Variants in FHOD3 observed in about 807,000 individuals in gnomAD.
The protein encoded by FHOD3 is formin homology 2 domain containing 3.
A neutral mutation model predicts 173.0 loss-of-function variants in FHOD3; 90 were observed. The observed-to-expected ratio is 0.52, with a 90% CI of 0.44 to 0.62. The LOEUF is 0.62. FHOD3 is among the 20% of genes least tolerant of loss of function. The probability of loss-of-function intolerance (pLI) is 0.00; values close to 1 mark genes in which losing one functional copy is unlikely to be tolerated. For missense variants in FHOD3, 1,945 were observed against 2,034.7 expected, an observed-to-expected ratio of 0.96 and a Z score of 0.85; for synonymous variants, 828 against 823.0, an observed-to-expected ratio of 1.01 and a Z score of -0.10.
chr18:36,744,336 A>G, intron 23 of FHOD3, 143 bp downstream of exon 23: 1 of 829,964 alleles, frequency 1.2e-6, no homozygotes, highest in South Asian at 1.9e-5. Flanking sequence ...TATGAATATG[A>G]TTTGTTTTGT....
chr18:36,655,053 C>CT (rs56831321), intron 13 of FHOD3, among the ~76,000 whole-genome samples: 2,005 of 125,034 alleles, frequency 0.016, 23 homozygotes, highest in Non-Finnish European at 0.019. Flanking sequence ...TTTTTTCCTT[C>CT]TTTTTTTTTT....
rs1285829744 is a variant in FHOD3 at position 36,475,015 on chromosome 18, ACACACACACACACACACACT to A, written c.338-26915_338-26896del. Reference sequence around the variant, plus strand: ...CACACACACACACACACACACACACACACACACACACACACACACTCTGCAAAATTTAATGCCTTCTACTT... The same window carrying A: ...CACACACACACACACACACACACACACTGCAAAATTTAATGCCTTCTACTT... On this transcript the variant is annotated intron_variant, in intron 3 of 28. Transcript: ENST00000590592. 1.1e-3 allele frequency among the ~76,000 whole-genome samples: 156 copies of A among 136,380 alleles called. 1 individual carries two copies. Among genetic ancestry groups the A allele is most frequent in the Admixed American group, 9.3e-3 (118 of 12,682 alleles). The allele number at this position is 136,380 out of a possible 152,430, so 89.5% of individuals were successfully genotyped here.
chr18:36,375,795 G>A (rs2047412122), intron 3 of FHOD3, among the ~76,000 whole-genome samples: 1 of 152,144 alleles, frequency 6.6e-6, no homozygotes, highest in Non-Finnish European at 1.5e-5. Context: ...CATTTGGCCG[G>A]AGGTTGGAAT....
intron 9 of FHOD3, among the ~76,000 whole-genome samples, chr18:36,620,758 C>T (rs2148732230): frequency 6.6e-6 from 1 of 152,358 alleles, no homozygotes; most frequent in Admixed American, 6.5e-5. Flanking sequence ...CAAGCTGTGA[C>T]AACTGAATCC....
At chr18:36,584,514 C>A (rs986528283) in intron 6 of FHOD3, among the ~76,000 whole-genome samples, 1 of 152,170 alleles carries the variant, frequency 6.6e-6, no homozygotes, top group Non-Finnish European at 1.5e-5. Context: ...CCTTGAATTG[C>A]ACTATTGTCT....
chr18:36,655,278 A>G (rs908600909), intron 13 of FHOD3, among the ~76,000 whole-genome samples: 1 of 152,132 alleles, frequency 6.6e-6, no homozygotes, highest in Non-Finnish European at 1.5e-5. Flanking sequence ...GAACAAAAAT[A>G]TGTTGGTGAT....
intron 13 of FHOD3, among the ~76,000 whole-genome samples, 167 bp from the exon 14 acceptor site, chr18:36,657,908 A>G (rs1383065166): frequency 6.6e-6 from 1 of 152,212 alleles, no homozygotes. Context: ...AAATTATCAG[A>G]AAAAAACAGG....
intron 3 of FHOD3, among the ~76,000 whole-genome samples, chr18:36,401,971 C>A (rs1051394002): frequency 6.6e-6 from 1 of 152,192 alleles, no homozygotes; most frequent in African/African-American, 2.4e-5. Flanking sequence ...TGTATACAAG[C>A]ATTTATGTGG....
intron 1 of FHOD3, among the ~76,000 whole-genome samples, chr18:36,305,256 C>T (rs963475667): frequency 6.6e-6 from 1 of 152,074 alleles, no homozygotes; most frequent in Non-Finnish European, 1.5e-5. Flanking sequence ...CTCCTCTTCA[C>T]CAGTTAGTTT....
At chr18:36,693,928 G>A (rs768508440) in intron 17 of FHOD3, among the ~76,000 whole-genome samples, 3 of 152,210 alleles carry the variant, frequency 2.0e-5, no homozygotes, top group Non-Finnish European at 4.4e-5. Flanking sequence ...AAAATTACTG[G>A]CACATGGTTG....
Position 36,760,702 on chromosome 18 carries a change from CTGTG to C in FHOD3, c.4545_4548del (p.Val1516Ter). ...GCGGCTGAGCACGAGAACATGAAGG[CTGTG>C]CTGAAAACCTCGTCCCCCTCCGTGG... On this transcript the variant is annotated frameshift_variant, in exon 27 of 29. Coordinates refer to ENST00000590592, the MANE Select transcript of FHOD3 (RefSeq NM_001281740.3). LOFTEE classifies it high-confidence loss of function. The C allele has an allele frequency of 6.2e-7, 1 of 1,613,326 alleles. No individual in the cohort carries two copies. Among genetic ancestry groups the C allele is most frequent in the Non-Finnish European group, 8.5e-7 (1 of 1,180,036 alleles).
At chr18:36,421,304 A>T (rs1209531886) in intron 3 of FHOD3, among the ~76,000 whole-genome samples, 1 of 152,238 alleles carries the variant, frequency 6.6e-6, no homozygotes, top group Non-Finnish European at 1.5e-5. Flanking sequence ...TAACAAAAAG[A>T]TACTTTTGAA....
At chr18:36,389,458 A>G (rs2048191813) in intron 3 of FHOD3, among the ~76,000 whole-genome samples, 2 of 152,146 alleles carry the variant, frequency 1.3e-5, no homozygotes, top group African/African-American at 4.8e-5. Flanking sequence ...GTCATAAATA[A>G]TCATAGTCCT....
At chr18:36,331,097 T>A (rs1393357280) in intron 1 of FHOD3, among the ~76,000 whole-genome samples, 2 of 152,162 alleles carry the variant, frequency 1.3e-5, no homozygotes, top group Non-Finnish European at 2.9e-5. Flanking sequence ...TCCAAAGAGG[T>A]GTGTATCCAA....
At chr18:36,537,890 T>C (rs2057060765) in intron 5 of FHOD3, among the ~76,000 whole-genome samples, 1 of 152,198 alleles carries the variant, frequency 6.6e-6, no homozygotes, top group Non-Finnish European at 1.5e-5. Flanking sequence ...GAGTCACACA[T>C]TCTTTTAAAG....
chr18:36,670,180 T>A (rs945551149), intron 14 of FHOD3, among the ~76,000 whole-genome samples: 8 of 152,104 alleles, frequency 5.3e-5, no homozygotes, highest in Non-Finnish European at 1.0e-4. Context: ...CTGTCATTGG[T>A]TTTTAGCAGT....
At chr18:36,448,583 G>A (rs1454557798) in intron 3 of FHOD3, among the ~76,000 whole-genome samples, 1 of 152,196 alleles carries the variant, frequency 6.6e-6, no homozygotes, top group East Asian at 1.9e-4. Context: ...TATACACAAG[G>A]CTCCCCGCCT....
In FHOD3 at chr18:36,687,000, A is replaced by C. The variant is rs539798942; in HGVS notation, c.1971-128A>C. 11 of 629,254 alleles carry C rather than the reference A, an allele frequency of 1.7e-5. No homozygotes were observed. In the East Asian group the frequency reaches 2.9e-4, roughly 16 times the overall value. 39.0% of individuals were successfully genotyped at this position (629,254 alleles called of 1,614,324 possible). ...TTAAACTTTTAAAAATTCAGCTACAACCATTTTACATTTCTGAGGCAGTGC... is the reference window on the plus strand; with the variant it reads ...TTAAACTTTTAAAAATTCAGCTACACCCATTTTACATTTCTGAGGCAGTGC... On this transcript the variant is annotated intron_variant, in intron 15 of 28. Coordinates refer to ENST00000590592, the MANE Select transcript of FHOD3 (RefSeq NM_001281740.3).
chr18:36,517,757 A>G (rs2056069486), intron 5 of FHOD3, among the ~76,000 whole-genome samples: 1 of 152,236 alleles, frequency 6.6e-6, no homozygotes, highest in Admixed American at 6.5e-5. Flanking sequence ...TTGCCCTCAT[A>G]TATTGTTAAA....
Sources: allele counts gnomAD v4.1 joint callset (sites outside exome capture counted in the v4.1 genomes callset), GRCh38; gene constraint gnomAD v4.1.1; transcripts MANE v1.5; gene names NCBI Gene and HGNC (gene_info 2026-07-23, HGNC 2026-07-21).